R3HDM2: variants seen among roughly 807,000 people sequenced by gnomAD.
The protein encoded by R3HDM2 is R3H domain-containing protein 2.
In R3HDM2, 38 loss-of-function variants were observed where a neutral mutation model predicts 124.5. The observed-to-expected ratio is 0.31, with a 90% CI of 0.24 to 0.40. R3HDM2 has a LOEUF of 0.40. R3HDM2 is among the 10% of genes least tolerant of loss of function. The pLI is 1.00. For missense variants in R3HDM2, 869 were observed against 1,236.9 expected (o/e 0.70, Z 4.46); for synonymous variants, 391 against 448.0 (o/e 0.87, Z 1.61).
Position 57,269,981 on chromosome 12 carries a change from C to G in R3HDM2, c.1358G>C (p.Ser453Thr). ...NHMISQADDL[S>T]NPFGQMSLSR... Reference sequence around the variant, plus strand: ...AAGGCTCATTTGTCCAAAGGGGTTGCTGAGGTCATCTGCCTGTTGAGAGAG... The same window carrying G: ...AAGGCTCATTTGTCCAAAGGGGTTGGTGAGGTCATCTGCCTGTTGAGAGAG... The change falls in exon 15 of 24, where the codon AGC becomes ACC. Residue 453 changes from serine (S) to threonine (T), a missense_variant. By Grantham distance (58) the Ser-to-Thr change is moderately conservative. Coordinates refer to ENST00000402412, the MANE Select transcript of R3HDM2 (RefSeq NM_001394031.1). 6.2e-7 allele frequency: 1 copy of G among 1,614,186 alleles called. No individual in the cohort carries two copies. Among genetic ancestry groups the G allele is most frequent in the Non-Finnish European group, 8.5e-7 (1 of 1,180,030 alleles).
At chr12:57,284,451 AG>A (rs2046880558) in intron 12 of R3HDM2, among the ~76,000 whole-genome samples, 4 of 152,232 alleles carry the variant, frequency 2.6e-5, no homozygotes, top group African/African-American at 9.6e-5. Context: ...TTAAAATAAA[AG>A]GACTCCTAGA....
chr12:57,290,985 C>T (rs1329938252), intron 11 of R3HDM2, among the ~76,000 whole-genome samples: 2 of 151,128 alleles, frequency 1.3e-5, no homozygotes, highest in African/African-American at 4.8e-5. Flanking sequence ...CAGCCATGTA[C>T]AAATGACATC....
intron 14 of R3HDM2, among the ~76,000 whole-genome samples, chr12:57,280,063 G>C (rs527547419): frequency 6.6e-6 from 1 of 152,258 alleles, no homozygotes; most frequent in African/African-American, 2.4e-5. Flanking sequence ...GACATAGAGG[G>C]AGATGGGGTA....
At chr12:57,344,998 C>T (rs747776863) in intron 2 of R3HDM2, among the ~76,000 whole-genome samples, 1 of 152,028 alleles carries the variant, frequency 6.6e-6, no homozygotes, top group Non-Finnish European at 1.5e-5. Context: ...CCATGTCCGG[C>T]TAATTTTGTA....
At chr12:57,388,253 C>A (rs2066150035) in intron 2 of R3HDM2, among the ~76,000 whole-genome samples, 1 of 152,176 alleles carries the variant, frequency 6.6e-6, no homozygotes, top group African/African-American at 2.4e-5. Flanking sequence ...GCGTGAGCCA[C>A]CACACCTGGC....
At chr12:57,343,699 A>G (rs2059814111) in intron 2 of R3HDM2, among the ~76,000 whole-genome samples, 1 of 150,374 alleles carries the variant, frequency 6.7e-6, no homozygotes, top group African/African-American at 2.4e-5. Context: ...GGTTATTACT[A>G]TGGACAGGAA....
intron 11 of R3HDM2, among the ~76,000 whole-genome samples, chr12:57,290,575 A>G (rs2048366251): frequency 6.6e-6 from 1 of 152,210 alleles, no homozygotes; most frequent in Admixed American, 6.5e-5. Flanking sequence ...ACAATGCCTA[A>G]AAGATAGTAA....
chr12:57,390,449 G>C (rs2066492080), intron 2 of R3HDM2, among the ~76,000 whole-genome samples: 4 of 152,184 alleles, frequency 2.6e-5, no homozygotes, highest in Admixed American at 2.0e-4. Flanking sequence ...TGAAATCCCA[G>C]CACTTTGGGA....
Position 57,296,611 on chromosome 12 carries a change from T to A in R3HDM2, c.561-60A>T. The stretch of plus-strand genomic sequence containing the variant: ...GACAAACAACTGCAATAACAACCAA[T>A]TTTAATTTTTCTTACAAGTGTCTAA... On this transcript the variant is annotated intron_variant, in intron 8 of 23. Transcript: ENST00000402412. The surrounding 1 kb of genome is among the most constrained non-coding windows in gnomAD (Gnocchi z 4.5). 1 of 1,506,852 alleles carries A rather than the reference T, an allele frequency of 6.6e-7. No homozygotes were observed. The highest frequency in any genetic ancestry group is 1.7e-4 in the Middle Eastern group (1 of 5,842). The allele number at this position is 1,506,852 out of a possible 1,614,324, so 93.3% of individuals were successfully genotyped here.
chr12:57,304,612 G>C (rs1215975714), intron 3 of R3HDM2: 2 of 662,752 alleles, frequency 3.0e-6, no homozygotes, highest in Non-Finnish European at 3.7e-6. Flanking sequence ...CTGCTCAGTG[G>C]TAAGATCTGT....
intron 2 of R3HDM2, among the ~76,000 whole-genome samples, chr12:57,372,990 C>A (rs892161231): frequency 1.4e-4 from 21 of 152,186 alleles, no homozygotes; most frequent in African/African-American, 4.6e-4. Context: ...GGGAGGATCG[C>A]TTGAGGCCAG....
chr12:57,255,173 G>A, intron 23 of R3HDM2, 60 bp from the exon 24 acceptor site: 1 of 1,365,458 alleles, frequency 7.3e-7, no homozygotes, highest in Non-Finnish European at 1.0e-6. Flanking sequence ...GGACTTGACA[G>A]CAGCCCAGCA....
chr12:57,347,579 T>C (rs1202221652), intron 2 of R3HDM2, among the ~76,000 whole-genome samples: 3 of 152,168 alleles, frequency 2.0e-5, no homozygotes, highest in South Asian at 4.1e-4. Flanking sequence ...TAAGTGTAAA[T>C]TGTCTAAAAA....
chr12:57,369,191 C>T (rs2063018807), intron 2 of R3HDM2, among the ~76,000 whole-genome samples: 1 of 152,162 alleles, frequency 6.6e-6, no homozygotes, highest in African/African-American at 2.4e-5. Context: ...AGGAAAATCA[C>T]ATGTAGCTCC....
At position 57,256,502 on chromosome 12, in the gene R3HDM2, C is replaced by T. The variant is rs752776387; in HGVS notation, c.2459G>A (p.Arg820His). The T allele has an allele frequency of 1.0e-5, 16 of 1,579,870 alleles. No homozygotes were observed. In the African/African-American group the frequency reaches 1.5e-4, roughly 15 times the overall value. Residue 820 changes from arginine to histidine, a missense_variant, in exon 22 of 24, where the codon CGC becomes CAC. By Grantham distance (29) the Arg-to-His change is conservative. Around this residue, in one of 2 missense-constraint regions of R3HDM2, gnomAD observed 602 missense variants for 789.2 expected, o/e 0.76. Transcript: ENST00000402412. ...RPGGPAQGDG[R>H]YSLLGQPLQY... is the part of the protein sequence containing the mutation. ...TAATGGCTGGCCCAAAAGGGAGTAGCGCCCATCACCTAGGGAGTAAGAGCA... is the reference window on the plus strand; with the variant it reads ...TAATGGCTGGCCCAAAAGGGAGTAGTGCCCATCACCTAGGGAGTAAGAGCA...
At chr12:57,312,370 C>A (rs1312387885) in intron 2 of R3HDM2, among the ~76,000 whole-genome samples, 4 of 148,162 alleles carry the variant, frequency 2.7e-5, no homozygotes, top group East Asian at 2.0e-4. Context: ...TGCAGTGATG[C>A]GATCATAGCT....
At chr12:57,379,063 A>C (rs574894942) in intron 2 of R3HDM2, among the ~76,000 whole-genome samples, 1 of 152,160 alleles carries the variant, frequency 6.6e-6, no homozygotes, top group Non-Finnish European at 1.5e-5. Context: ...GCTGGGGGAA[A>C]GGGGGAGAGG....
At chr12:57,349,685 C>T (rs576029927) in intron 2 of R3HDM2, among the ~76,000 whole-genome samples, 6 of 151,614 alleles carry the variant, frequency 4.0e-5, no homozygotes, top group East Asian at 2.0e-4. Context: ...CTCAGCCTCC[C>T]GAGTAGCTGG....
intron 1 of R3HDM2, among the ~76,000 whole-genome samples, chr12:57,415,590 A>G (rs1443105391): frequency 1.3e-5 from 2 of 152,282 alleles, no homozygotes; most frequent in East Asian, 3.9e-4. Context: ...GAAAAAAAAA[A>G]AAAAAGCAGA....
Sources: gnomAD v4.1 joint callset for allele counts (sites outside exome capture counted in the v4.1 genomes callset) on GRCh38, gnomAD v4.1.1 for gene constraint, gnomAD v4.1.1 regional missense constraint, Gnocchi (gnomAD v3.1) non-coding constraint, MANE v1.5 for transcripts, NCBI Gene and HGNC (gene_info 2026-07-23, HGNC 2026-07-21) for gene names.